Variants in CPED1 observed in about 807,000 individuals in gnomAD.
CPED1 encodes the protein cadherin like and PC-esterase domain containing 1, also known as cadherin-like and PC-esterase domain-containing protein 1.
Under a neutral mutation model 128.2 loss-of-function variants are expected in CPED1, and 114 were observed. The observed-to-expected ratio is 0.89, with a 90% confidence interval of 0.76 to 1.04. CPED1 has a LOEUF of 1.04. Ranked by LOEUF, CPED1 falls within the 50% of genes least tolerant of loss-of-function variation. The probability of loss-of-function intolerance (pLI) is 0.00; values close to 1 mark genes in which losing one functional copy is unlikely to be tolerated. For synonymous variants in CPED1, 462 were observed against 426.7 expected (o/e 1.08, Z -1.02); for missense variants, 1,211 against 1,207.1 (o/e 1.00, Z -0.05).
intron 16 of CPED1, among the ~76,000 whole-genome samples, chr7:121,198,131 T>C (rs913955232): frequency 2.6e-5 from 4 of 152,112 alleles, no homozygotes; most frequent in African/African-American, 7.2e-5. Flanking sequence ...GTAGCAGTTA[T>C]TACGCGAAAG....
intron 9 of CPED1, among the ~76,000 whole-genome samples, chr7:121,126,770 T>C (rs1261867073): frequency 2.0e-5 from 3 of 152,136 alleles, no homozygotes; most frequent in Non-Finnish European, 4.4e-5. Context: ...TTATGCTTTT[T>C]AAAATCTGTT....
intron 17 of CPED1, among the ~76,000 whole-genome samples, chr7:121,239,857 G>A (rs1798347086): frequency 6.6e-6 from 1 of 152,146 alleles, no homozygotes; most frequent in Admixed American, 6.6e-5. Flanking sequence ...TCCTCAGAAT[G>A]TTGTTTCCTA....
intron 16 of CPED1, among the ~76,000 whole-genome samples, chr7:121,159,920 T>C (rs944077413): frequency 6.6e-6 from 1 of 152,198 alleles, no homozygotes; most frequent in Non-Finnish European, 1.5e-5. Context: ...TTAAAAGTTA[T>C]GATCTAGGTT....
chr7:121,250,911 C>T (rs1311463607), intron 18 of CPED1, among the ~76,000 whole-genome samples: 1 of 152,136 alleles, frequency 6.6e-6, no homozygotes, highest in Non-Finnish European at 1.5e-5. Context: ...GGTACCATTC[C>T]TTCTGAAATT....
intron 16 of CPED1, among the ~76,000 whole-genome samples, chr7:121,232,086 G>C (rs1798153761): frequency 6.6e-6 from 1 of 152,102 alleles, no homozygotes. Flanking sequence ...ATAATGGTTT[G>C]AAAGAGGCAG....
chr7:121,100,897 AG>A (rs767834799), intron 7 of CPED1, among the ~76,000 whole-genome samples: 72 of 152,262 alleles, frequency 4.7e-4, no homozygotes, highest in Non-Finnish European at 7.8e-4. Flanking sequence ...AGAAGGCATG[AG>A]CAAATTTTAG....
chr7:121,228,646 A>G (rs1798071809), intron 16 of CPED1, among the ~76,000 whole-genome samples: 1 of 151,772 alleles, frequency 6.6e-6, no homozygotes, highest in African/African-American at 2.4e-5. Flanking sequence ...ACTACTGGGT[A>G]TCTAACCAGA....
At chr7:121,053,924 G>A (rs982063754) in intron 4 of CPED1, among the ~76,000 whole-genome samples, 1 of 152,108 alleles carries the variant, frequency 6.6e-6, no homozygotes, top group African/African-American at 2.4e-5. Context: ...GCTTATTCAT[G>A]TTGACTCCTG....
At chr7:121,276,656 A>G (rs1053873627) in intron 22 of CPED1, among the ~76,000 whole-genome samples, 1 of 152,118 alleles carries the variant, frequency 6.6e-6, no homozygotes, top group Non-Finnish European at 1.5e-5. Context: ...TTACCATCCA[A>G]GTTAATTGTT....
chr7:121,047,851 C>G (rs1049893185), intron 4 of CPED1, among the ~76,000 whole-genome samples: 1 of 151,562 alleles, frequency 6.6e-6, no homozygotes, highest in Non-Finnish European at 1.5e-5. Context: ...AGCGGGCGCC[C>G]GTAGTCCCAC....
In CPED1 at chr7:121,266,222, T is replaced by A. The variant is rs774771160; in HGVS notation, c.2311-5T>A. ...TTAAACAAATGCTTTCTCTTTAACT[T>A]ATAGATTCTGTTCATTGGAGATTCA... On this transcript the variant is annotated splice_polypyrimidine_tract_variant and splice_region_variant and intron_variant, in intron 18 of 22. Transcript: ENST00000310396. The A allele has an allele frequency of 6.2e-7, 1 of 1,602,420 alleles. No individual in the cohort carries two copies.
At chr7:121,006,890 A>G (rs1246852772) in intron 2 of CPED1, among the ~76,000 whole-genome samples, 1 of 152,118 alleles carries the variant, frequency 6.6e-6, no homozygotes, top group Non-Finnish European at 1.5e-5. Context: ...GAAAAGAGAA[A>G]AGGGAAAATT....
intron 18 of CPED1, among the ~76,000 whole-genome samples, chr7:121,256,133 A>AC (rs889527902): frequency 3.7e-4 from 54 of 147,790 alleles, no homozygotes; most frequent in Admixed American, 9.4e-4. Flanking sequence ...ACAAAACAAA[A>AC]AAAAAAAACA....
chr7:120,998,261 C>CCG (rs111558226), intron 2 of CPED1, among the ~76,000 whole-genome samples: 2 of 152,174 alleles, frequency 1.3e-5, no homozygotes, highest in African/African-American at 4.8e-5. Flanking sequence ...GTTACAGCAG[C>CCG]TCTAGGAAAC....
rs1795525989 is a variant in CPED1 at position 121,127,212 on chromosome 7, AT to A, written c.1261del (p.Ser421LeufsTer22). 1.9e-6 allele frequency: 3 copies of A among 1,591,368 alleles called. No homozygotes were observed. In the East Asian group the frequency reaches 6.7e-5, roughly 36 times the overall value. ...LFPNESSLSI[F>X]SEIFQRLYRS... ...TCCCTAATGAATCATCACTTTCCATATTTTCTGAGATATTTCAGAGACTTTA... is the reference window on the plus strand; with the variant it reads ...TCCCTAATGAATCATCACTTTCCATATTTCTGAGATATTTCAGAGACTTTA... On this transcript the variant is annotated frameshift_variant, in exon 10 of 23. Coordinates refer to ENST00000310396, the MANE Select transcript of CPED1 (RefSeq NM_024913.5). LOFTEE classifies it high-confidence loss of function.
intron 16 of CPED1, among the ~76,000 whole-genome samples, chr7:121,154,834 G>A (rs187440404): frequency 2.6e-5 from 4 of 152,268 alleles, no homozygotes; most frequent in Admixed American, 1.3e-4. Flanking sequence ...GTGAGCCACC[G>A]CGCCCGGCCT....
chr7:121,062,468 C>A (rs1793698637), intron 4 of CPED1, among the ~76,000 whole-genome samples: 1 of 152,160 alleles, frequency 6.6e-6, no homozygotes. Context: ...TATACTTTTG[C>A]AATGCTGTTT....
At chr7:121,063,511 A>C (rs2116050055) in intron 4 of CPED1, among the ~76,000 whole-genome samples, 1 of 151,982 alleles carries the variant, frequency 6.6e-6, no homozygotes, top group Middle Eastern at 3.4e-3. Context: ...TGCCAGCAGG[A>C]CATAGTGCTG....
rs948855530 is a variant in CPED1, at chr7:121,202,456, G to A, written c.2056-34258G>A. ...GGGTTTAAGCCTGGGAGAGCCATGGGCATCTTTTGGAGGTAGTCTTCTATC... is the reference window on the plus strand; with the variant it reads ...GGGTTTAAGCCTGGGAGAGCCATGGACATCTTTTGGAGGTAGTCTTCTATC... On this transcript the variant is annotated intron_variant, in intron 16 of 22. Coordinates refer to ENST00000310396, the MANE Select transcript of CPED1 (RefSeq NM_024913.5). Among the ~76,000 whole-genome samples, 9 of 152,116 alleles carry A rather than the reference G, an allele frequency of 5.9e-5. No individual in the cohort carries two copies. In the South Asian group the frequency reaches 6.2e-4, roughly 10 times the overall value.
Sources: allele counts gnomAD v4.1 joint callset (sites outside exome capture counted in the v4.1 genomes callset), GRCh38; gene constraint gnomAD v4.1.1; transcripts MANE v1.5; gene names NCBI Gene and HGNC (gene_info 2026-07-23, HGNC 2026-07-21).